The following ANTXR1 variants were observed in gnomAD, a reference collection of about 807,000 sequenced individuals.
ANTXR1 encodes the protein ANTXR cell adhesion molecule 1, also known as anthrax toxin receptor 1.
A neutral mutation model predicts 78.1 loss-of-function variants in ANTXR1; 19 were observed. The ratio of observed to expected loss-of-function variants is 0.24; its 90% confidence interval spans 0.17 to 0.36. The LOEUF is 0.36. Among genes scored for constraint, ANTXR1 ranks in the 10% least tolerant of loss-of-function variants. The probability of loss-of-function intolerance (pLI) is 1.00; values close to 1 mark genes in which losing one functional copy is unlikely to be tolerated. For missense variants in ANTXR1, 518 were observed against 718.6 expected (o/e 0.72, Z 3.19); for synonymous variants, 273 against 260.5 (o/e 1.05, Z -0.46).
chr2:69,201,510 G>GT (rs1674771986), intron 17 of ANTXR1, among the ~76,000 whole-genome samples: 2 of 152,242 alleles, frequency 1.3e-5, no homozygotes, highest in East Asian at 3.8e-4. Context: ...TACTGCAAGA[G>GT]TTTTAAGCAG....
At chr2:69,086,058 A>T (rs1671039013) in intron 8 of ANTXR1, among the ~76,000 whole-genome samples, 1 of 152,246 alleles carries the variant, frequency 6.6e-6, no homozygotes, top group Non-Finnish European at 1.5e-5. Flanking sequence ...TGAAAGCAAA[A>T]GACACCTATA....
At chr2:69,165,400 G>C (rs953404465) in intron 13 of ANTXR1, among the ~76,000 whole-genome samples, 1 of 152,174 alleles carries the variant, frequency 6.6e-6, no homozygotes, top group Non-Finnish European at 1.5e-5. Flanking sequence ...TAAGAAGAAA[G>C]GGGCCAAAAA....
At chr2:69,095,866 A>G (rs1486162655) in intron 9 of ANTXR1, among the ~76,000 whole-genome samples, 1 of 152,220 alleles carries the variant, frequency 6.6e-6, no homozygotes. Context: ...TTATTTCTCA[A>G]TAACTGAGGA....
At chr2:69,148,490 G>A (rs1673292863) in intron 12 of ANTXR1, among the ~76,000 whole-genome samples, 1 of 152,164 alleles carries the variant, frequency 6.6e-6, no homozygotes, top group African/African-American at 2.4e-5. Context: ...TTAAATTCTG[G>A]CTTCTCCACG....
At position 69,102,915 on chromosome 2, in the gene ANTXR1, C is replaced by T. The variant is rs777732873; in HGVS notation, c.777C>T (p.Phe259=). ...ARNVDRVLCS[F]KINDSVTLNE... ...ACGTGGACAGGGTCCTCTGCAGCTTCAAGATCAATGACTCGGTCACACTCA... is the reference window on the plus strand; with the variant it reads ...ACGTGGACAGGGTCCTCTGCAGCTTTAAGATCAATGACTCGGTCACACTCA... Residue 259 remains phenylalanine (F), a synonymous_variant, in exon 10 of 18, where the codon TTC becomes TTT. Coordinates refer to ENST00000303714, the MANE Select transcript of ANTXR1 (RefSeq NM_032208.3). 2.5e-6 allele frequency: 4 copies of T among 1,614,182 alleles called. No individual in the cohort carries two copies. Among genetic ancestry groups the T allele is most frequent in the Admixed American group, 1.7e-5 (1 of 60,030 alleles).
In ANTXR1 at chr2:69,248,872, A is replaced by T. The variant is rs1676076801; in HGVS notation, c.*3387A>T. 6.6e-6 allele frequency: 1 copy of T among 151,964 alleles called. No homozygotes were observed. The highest frequency in any genetic ancestry group is 1.5e-5 in the Non-Finnish European group (1 of 68,036). 9.4% of individuals were successfully genotyped at this position (151,964 alleles called of 1,614,324 possible). A position where few individuals can be genotyped will look rare whatever the true frequency, so the allele number is the denominator to read the frequency against. On this transcript the variant is annotated 3_prime_UTR_variant, in exon 18 of 18. Coordinates refer to ENST00000303714, the MANE Select transcript of ANTXR1 (RefSeq NM_032208.3). Reference sequence around the variant, plus strand: ...AGTCTGTTAATGCACATCCTGTGGGAATGGAGTGTTCTAACCAATTGCCTT... The same window carrying T: ...AGTCTGTTAATGCACATCCTGTGGGTATGGAGTGTTCTAACCAATTGCCTT...
intron 17 of ANTXR1, among the ~76,000 whole-genome samples, chr2:69,225,640 T>C (rs895923478): frequency 2.6e-5 from 4 of 152,006 alleles, no homozygotes; most frequent in Admixed American, 6.6e-5. Context: ...ACCTCATGGG[T>C]AGGGGAGAAG....
intron 17 of ANTXR1, among the ~76,000 whole-genome samples, chr2:69,236,471 T>G (rs2104527419): frequency 6.6e-6 from 1 of 152,294 alleles, no homozygotes; most frequent in African/African-American, 2.4e-5. Flanking sequence ...TTGGCAAAAA[T>G]TTTTAATTCT....
chr2:69,047,250 T>G (rs1487912206), intron 3 of ANTXR1, among the ~76,000 whole-genome samples: 1 of 152,108 alleles, frequency 6.6e-6, no homozygotes, highest in African/African-American at 2.4e-5. Flanking sequence ...CAAATACACG[T>G]AGGGTAAAGC....
chr2:69,146,501 T>C, intron 12 of ANTXR1: 1 of 607,070 alleles, frequency 1.6e-6, no homozygotes, highest in Non-Finnish European at 2.1e-6. Flanking sequence ...TTCAAAGGTT[T>C]GTGGTGAACT....
intron 17 of ANTXR1, among the ~76,000 whole-genome samples, chr2:69,196,521 G>C (rs894917450): frequency 6.7e-6 from 1 of 148,326 alleles, no homozygotes; most frequent in Admixed American, 6.6e-5. Context: ...AGGCGAGGCA[G>C]GGGGGGCAAT....
intron 16 of ANTXR1, among the ~76,000 whole-genome samples, chr2:69,183,586 T>TTG (rs1558629102): frequency 7.1e-6 from 1 of 140,286 alleles, no homozygotes; most frequent in African/African-American, 2.8e-5. Context: ...TTTTTTTTTT[T>TTG]TTTTTTTTTT....
chr2:69,239,037 C>T (rs185619092), intron 17 of ANTXR1, among the ~76,000 whole-genome samples: 2 of 152,260 alleles, frequency 1.3e-5, no homozygotes, highest in African/African-American at 4.8e-5. Context: ...ATCCCACAAA[C>T]CCAAATTCAG....
chr2:69,024,171 G>C (rs1455197591), intron 1 of ANTXR1, among the ~76,000 whole-genome samples: 1 of 152,092 alleles, frequency 6.6e-6, no homozygotes, highest in Non-Finnish European at 1.5e-5. Flanking sequence ...GAGAGGAAAG[G>C]GTTGCAACAG....
chr2:69,084,402 C>T (rs1670986400), intron 8 of ANTXR1, among the ~76,000 whole-genome samples: 1 of 152,012 alleles, frequency 6.6e-6, no homozygotes, highest in African/African-American at 2.4e-5. Context: ...GGGTGCCCTC[C>T]CTCAGACAAA....
chr2:69,030,002 G>T (rs770782084), intron 1 of ANTXR1, among the ~76,000 whole-genome samples: 1 of 152,112 alleles, frequency 6.6e-6, no homozygotes, highest in Non-Finnish European at 1.5e-5. Context: ...AAGAAGATGC[G>T]GTTTATTCTT....
At chr2:69,229,610 G>C (rs1675538639) in intron 17 of ANTXR1, among the ~76,000 whole-genome samples, 1 of 152,102 alleles carries the variant, frequency 6.6e-6, no homozygotes, top group African/African-American at 2.4e-5. Flanking sequence ...TTTAACTGGG[G>C]ACAGGAAAAA....
intron 9 of ANTXR1, among the ~76,000 whole-genome samples, chr2:69,096,322 G>A (rs9678933): frequency 0.74 from 14,277 of 19,298 alleles, 6,091 homozygotes; most frequent in East Asian, 0.9. Context: ...GGGAGGAAGG[G>A]AGGAAGGGAG....
At chr2:69,186,535 G>A (rs1031020106) in intron 16 of ANTXR1, among the ~76,000 whole-genome samples, 5 of 152,248 alleles carry the variant, frequency 3.3e-5, no homozygotes, top group Non-Finnish European at 1.5e-5. Context: ...TAACAGAGAT[G>A]TGGGCAAAGC....
Sources: gnomAD v4.1 joint callset for allele counts (sites outside exome capture counted in the v4.1 genomes callset) on GRCh38, gnomAD v4.1.1 for gene constraint, MANE v1.5 for transcripts, NCBI Gene and HGNC (gene_info 2026-07-23, HGNC 2026-07-21) for gene names.